Variants in ITPR1 observed in about 807,000 individuals in gnomAD.
ITPR1 encodes the protein inositol 1,4,5-trisphosphate receptor type 1.
A neutral mutation model predicts 318.4 loss-of-function variants in ITPR1; 96 were observed. That is an observed-to-expected ratio of 0.30 (90% CI 0.26 to 0.36). The LOEUF (loss-of-function observed/expected upper bound fraction) is 0.36. Among genes scored for constraint, ITPR1 ranks in the 10% least tolerant of loss-of-function variants. The pLI, the probability that ITPR1 is intolerant of heterozygous loss-of-function variation, is 1.00. For synonymous variants in ITPR1, 1,312 were observed against 1,289.9 expected (o/e 1.02, Z -0.37); for missense variants, 2,440 against 3,460.2 (o/e 0.71, Z 7.40).
At chr3:4,624,209 C>G (rs556938947) in intron 4 of ITPR1, among the ~76,000 whole-genome samples, 1 of 152,160 alleles carries the variant, frequency 6.6e-6, no homozygotes, top group Non-Finnish European at 1.5e-5. Flanking sequence ...ATTTTACTCT[C>G]TATAGCTTAC....
intron 39 of ITPR1, 100 bp downstream of exon 39, chr3:4,711,968 G>T (rs2041404384): frequency 1.9e-6 from 1 of 532,276 alleles, no homozygotes; most frequent in Non-Finnish European, 3.3e-6. Flanking sequence ...CTGACTGAGG[G>T]GCTAGCTTTT....
chr3:4,526,481 C>G (rs771459460), intron 4 of ITPR1, among the ~76,000 whole-genome samples: 1 of 152,210 alleles, frequency 6.6e-6, no homozygotes, highest in African/African-American at 2.4e-5. Context: ...TACTGTGTAC[C>G]AGCTGCTGGC....
In ITPR1 at chr3:4,764,340, G is replaced by A. The variant is rs527301995; in HGVS notation, c.5545-2190G>A. On this transcript the variant is annotated intron_variant, in intron 44 of 61. Transcript: ENST00000649015. ...AAAAGGATCTGACCATGGGGAGGGG[G>A]GCATCCAGTTATGGGGAGCCATAAA... Among the ~76,000 whole-genome samples, 86 of 152,290 alleles carry A rather than the reference G, an allele frequency of 5.6e-4. 1 individual carries two copies. In the South Asian group the frequency reaches 0.015, roughly 26 times the overall value.
At chr3:4,566,846 C>T (rs1174165420) in intron 4 of ITPR1, among the ~76,000 whole-genome samples, 2 of 152,124 alleles carry the variant, frequency 1.3e-5, no homozygotes, top group Non-Finnish European at 2.9e-5. Context: ...TCTTAATTTC[C>T]TCCTCAGGAG....
chr3:4,635,594 C>T (rs944804065), intron 5 of ITPR1, among the ~76,000 whole-genome samples: 1 of 152,066 alleles, frequency 6.6e-6, no homozygotes, highest in Non-Finnish European at 1.5e-5. Flanking sequence ...ATCTGCCCGC[C>T]TCGGCCTCCC....
intron 4 of ITPR1, among the ~76,000 whole-genome samples, chr3:4,545,016 G>A (rs988682796): frequency 2.6e-5 from 4 of 151,906 alleles, no homozygotes; most frequent in Non-Finnish European, 5.9e-5. Context: ...AGCTGGTCTC[G>A]AACTCCTGGG....
intron 30 of ITPR1, among the ~76,000 whole-genome samples, chr3:4,687,005 G>C (rs188663214): frequency 2.6e-5 from 4 of 152,272 alleles, no homozygotes; most frequent in South Asian, 2.1e-4. Flanking sequence ...ATTCTCCTCT[G>C]TTTTGGTTTG....
At chr3:4,786,149 C>T (rs73003098) in intron 51 of ITPR1, among the ~76,000 whole-genome samples, 14,178 of 152,254 alleles carry the variant, frequency 0.093, 847 homozygotes, top group Non-Finnish European at 0.14. Flanking sequence ...GGAAGAAGCA[C>T]TTGTCCATAG....
chr3:4,675,230 G>A lies in ITPR1; in HGVS notation c.2761G>A (p.Asp921Asn). ...AKGEENKGNNDVEKLKSSNVM... is the reference protein window; with the variant it reads ...AKGEENKGNNNVEKLKSSNVM... ...AGGAGAAGAGAATAAAGGTAACAAT[G>A]ATGTGGAGAAGCTGAAGAGTGAGTA... Residue 921 changes from aspartate (D) to asparagine (N), a missense_variant, in exon 23 of 62, where the codon GAT becomes AAT. Transcript: ENST00000649015. 6.2e-7 allele frequency: 1 copy of A among 1,610,174 alleles called. No individual in the cohort carries two copies. Among genetic ancestry groups the A allele is most frequent in the Admixed American group, 1.7e-5 (1 of 59,280 alleles).
intron 5 of ITPR1, among the ~76,000 whole-genome samples, chr3:4,637,529 G>A (rs2093226506): frequency 6.6e-6 from 1 of 152,212 alleles, no homozygotes; most frequent in African/African-American, 2.4e-5. Flanking sequence ...TGCAAGCACT[G>A]GTATTATTTC....
At chr3:4,497,138 G>C (rs2080650235) in intron 2 of ITPR1, among the ~76,000 whole-genome samples, 1 of 152,158 alleles carries the variant, frequency 6.6e-6, no homozygotes, top group South Asian at 2.1e-4. Flanking sequence ...TGAAGTCGGT[G>C]ATGTGAATGA....
intron 18 of ITPR1, 63 bp from the exon 19 acceptor site, chr3:4,669,591 G>T: frequency 6.6e-7 from 1 of 1,510,470 alleles, no homozygotes. Context: ...AGGAAGAATT[G>T]GGGTCCAGGA....
At chr3:4,830,870 C>T (rs1321185649) in intron 60 of ITPR1, 13 of 453,466 alleles carry the variant, frequency 2.9e-5, no homozygotes, top group East Asian at 1.4e-4. Flanking sequence ...TCACCCTCAA[C>T]GCCTCATTCT....
At chr3:4,803,085 C>G (rs554260439) in intron 54 of ITPR1, among the ~76,000 whole-genome samples, 3 of 152,216 alleles carry the variant, frequency 2.0e-5, no homozygotes, top group Non-Finnish European at 4.4e-5. Flanking sequence ...GGAGCTTTCA[C>G]TCATGGCGGA....
intron 59 of ITPR1, among the ~76,000 whole-genome samples, chr3:4,815,861 C>G (rs1044710913): frequency 2.6e-5 from 4 of 152,054 alleles, no homozygotes; most frequent in Non-Finnish European, 5.9e-5. Context: ...CCCCTTAAAA[C>G]CTTTTTAAGC....
chr3:4,802,274 T>C (rs959200019), intron 54 of ITPR1, among the ~76,000 whole-genome samples: 3 of 152,194 alleles, frequency 2.0e-5, no homozygotes, highest in Non-Finnish European at 4.4e-5. Context: ...GAGATTAGTG[T>C]TGTATAGAAT....
chr3:4,754,847 G>T (rs893708128), intron 44 of ITPR1, among the ~76,000 whole-genome samples: 3 of 152,174 alleles, frequency 2.0e-5, no homozygotes, highest in African/African-American at 7.2e-5. Flanking sequence ...GTTTTCAAGG[G>T]TATCGTTGAT....
At chr3:4,525,282 T>C (rs1479187043) in intron 4 of ITPR1, among the ~76,000 whole-genome samples, 1 of 152,214 alleles carries the variant, frequency 6.6e-6, no homozygotes, top group Non-Finnish European at 1.5e-5. Context: ...AAAAGCCTAA[T>C]AGAGTGCTTA....
chr3:4,760,771 C>T (rs2045381345), intron 44 of ITPR1, among the ~76,000 whole-genome samples: 1 of 152,140 alleles, frequency 6.6e-6, no homozygotes, highest in East Asian at 1.9e-4. Flanking sequence ...GAATGGAGTC[C>T]TTCTCACATT....
Sources: allele counts gnomAD v4.1 joint callset (sites outside exome capture counted in the v4.1 genomes callset), GRCh38; gene constraint gnomAD v4.1.1; transcripts MANE v1.5; gene names NCBI Gene and HGNC (gene_info 2026-07-23, HGNC 2026-07-21).